Variants in TMEM132D observed in about 807,000 individuals in gnomAD.
The protein encoded by TMEM132D is transmembrane protein 132D.
A neutral mutation model predicts 62.3 loss-of-function variants in TMEM132D; 21 were observed. That is an observed-to-expected ratio of 0.34 (90% confidence interval 0.24 to 0.49). TMEM132D has a LOEUF of 0.49. Among genes scored for constraint, TMEM132D ranks in the 20% least tolerant of loss-of-function variants. The probability of loss-of-function intolerance (pLI) is 0.99; values close to 1 mark genes in which losing one functional copy is unlikely to be tolerated. For missense variants in TMEM132D, 1,346 were observed against 1,402.8 expected (o/e 0.96, Z 0.65); for synonymous variants, 621 against 575.6 (o/e 1.08, Z -1.13).
At chr12:129,770,131 GT>G (rs986425808) in intron 1 of TMEM132D, among the ~76,000 whole-genome samples, 1 of 84,420 alleles carries the variant, frequency 1.2e-5, no homozygotes, top group Non-Finnish European at 2.4e-5. Context: ...TTCTTTGTGG[GT>G]TTTTTTGGTT....
intron 1 of TMEM132D, among the ~76,000 whole-genome samples, chr12:129,826,718 A>T (rs1872673438): frequency 6.6e-6 from 1 of 152,184 alleles, no homozygotes; most frequent in African/African-American, 2.4e-5. Flanking sequence ...GTAGGTATGG[A>T]CACATTCCAG....
At chr12:129,657,989 G>C (rs1367964790) in intron 2 of TMEM132D, among the ~76,000 whole-genome samples, 1 of 152,120 alleles carries the variant, frequency 6.6e-6, no homozygotes, top group Non-Finnish European at 1.5e-5. Flanking sequence ...TTCTACTAGT[G>C]GAACTTATCT....
chr12:129,167,557 C>A (rs1217933315), intron 5 of TMEM132D, among the ~76,000 whole-genome samples: 2 of 152,026 alleles, frequency 1.3e-5, no homozygotes, highest in Non-Finnish European at 2.9e-5. Flanking sequence ...CTGGTCCTGG[C>A]ATGGGGTCTC....
At chr12:129,230,313 G>GGGA (rs925639243) in intron 4 of TMEM132D, among the ~76,000 whole-genome samples, 1 of 150,260 alleles carries the variant, frequency 6.7e-6, no homozygotes, top group Non-Finnish European at 1.5e-5. Context: ...TTGGAGGGGG[G>GGGA]GGGCTCCCCA....
At chr12:129,495,471 C>T in intron 3 of TMEM132D, among the ~76,000 whole-genome samples, 1 of 152,040 alleles carries the variant, frequency 6.6e-6, no homozygotes, top group African/African-American at 2.4e-5. Context: ...GGAGCCATGC[C>T]CCATACATTC....
chr12:129,101,706 G>C (rs901419), intron 5 of TMEM132D, among the ~76,000 whole-genome samples: 102,844 of 152,030 alleles, frequency 0.68, 35,784 homozygotes, highest in African/African-American at 0.84. Context: ...TTCATTACCT[G>C]ATGCTGTTTT....
intron 2 of TMEM132D, among the ~76,000 whole-genome samples, chr12:129,616,838 G>A (rs936771870): frequency 6.6e-6 from 1 of 152,304 alleles, no homozygotes; most frequent in African/African-American, 2.4e-5. Flanking sequence ...ACACAATTAT[G>A]TGCATTGTGT....
chr12:129,085,712 C>G (rs765197100), intron 5 of TMEM132D: 1 of 152,220 alleles, frequency 6.6e-6, no homozygotes, highest in African/African-American at 2.4e-5. Flanking sequence ...GTTCCTCTAC[C>G]AGGAAGGGCA....
chr12:129,706,073 C>G (rs1383092337), intron 1 of TMEM132D, among the ~76,000 whole-genome samples: 2 of 151,862 alleles, frequency 1.3e-5, no homozygotes, highest in Non-Finnish European at 2.9e-5. Flanking sequence ...ACTGAATAAT[C>G]TATTGAATGC....
chr12:129,222,584 T>C (rs1196824350), intron 4 of TMEM132D, among the ~76,000 whole-genome samples: 1 of 152,168 alleles, frequency 6.6e-6, no homozygotes, highest in Admixed American at 6.5e-5. Context: ...TCTCAGGCAA[T>C]ATGATCATGT....
intron 5 of TMEM132D, among the ~76,000 whole-genome samples, chr12:129,177,584 C>A (rs1196269805): frequency 6.6e-6 from 1 of 152,036 alleles, no homozygotes; most frequent in East Asian, 1.9e-4. Context: ...ATAGTGAGAC[C>A]CCATCTCTAC....
chr12:129,695,972 T>C (rs1324998251), intron 2 of TMEM132D, among the ~76,000 whole-genome samples: 1 of 152,122 alleles, frequency 6.6e-6, no homozygotes, highest in Non-Finnish European at 1.5e-5. Flanking sequence ...CAACTTAGAA[T>C]ATCACTGGAT....
intron 1 of TMEM132D, among the ~76,000 whole-genome samples, chr12:129,781,890 G>A (rs1871131256): frequency 6.6e-6 from 1 of 152,168 alleles, no homozygotes; most frequent in Non-Finnish European, 1.5e-5. Context: ...TTGGCAATTA[G>A]CAGTCACATT....
At chr12:129,669,589 C>T (rs1417236885) in intron 2 of TMEM132D, among the ~76,000 whole-genome samples, 1 of 152,204 alleles carries the variant, frequency 6.6e-6, no homozygotes, top group African/African-American at 2.4e-5. Flanking sequence ...CCTGTAGTCG[C>T]AGCTACTCGG....
chr12:129,794,676 G>A (rs566118133), intron 1 of TMEM132D, among the ~76,000 whole-genome samples: 2 of 152,166 alleles, frequency 1.3e-5, no homozygotes, highest in African/African-American at 4.8e-5. Context: ...AGTTCCTTCA[G>A]TTTTGGGCAT....
intron 2 of TMEM132D, among the ~76,000 whole-genome samples, chr12:129,545,717 A>G (rs1432843643): frequency 6.6e-6 from 1 of 152,220 alleles, no homozygotes; most frequent in Non-Finnish European, 1.5e-5. Flanking sequence ...GTTTAGGTGT[A>G]GAGAGTAAGT....
chr12:129,761,821 C>G (rs549026652), intron 1 of TMEM132D, among the ~76,000 whole-genome samples: 1 of 152,224 alleles, frequency 6.6e-6, no homozygotes, highest in East Asian at 1.9e-4. Flanking sequence ...AAATCCCTAC[C>G]CCAGAAATGA....
At chr12:129,466,497 T>A (rs1410820756) in intron 3 of TMEM132D, among the ~76,000 whole-genome samples, 1 of 152,084 alleles carries the variant, frequency 6.6e-6, no homozygotes, top group Non-Finnish European at 1.5e-5. Context: ...TTTTCCTTTT[T>A]AAATAACAAT....
chr12:129,114,860 CCTT>C (rs1180492860), intron 5 of TMEM132D, among the ~76,000 whole-genome samples: 5 of 152,134 alleles, frequency 3.3e-5, no homozygotes, highest in Non-Finnish European at 7.4e-5. Context: ...GTATTTTGTT[CCTT>C]CTTGTTGCTG....
Sources: gnomAD v4.1 joint callset for allele counts (sites outside exome capture counted in the v4.1 genomes callset) on GRCh38, gnomAD v4.1.1 for gene constraint, MANE v1.5 for transcripts, NCBI Gene and HGNC (gene_info 2026-07-23, HGNC 2026-07-21) for gene names.